The following NANOS3 variants were observed in gnomAD, a reference collection of about 807,000 sequenced individuals.
NANOS3 encodes the protein nanos homolog 3.
In NANOS3, 11 loss-of-function variants were observed where a neutral mutation model predicts 13.8. The ratio of observed to expected loss-of-function variants is 0.80; its 90% CI spans 0.50 to 1.32. NANOS3 has a LOEUF of 1.32. Ranked by LOEUF, NANOS3 falls within the 40% of genes most tolerant of loss-of-function variation. NANOS3 has a pLI of 0.00. For synonymous variants in NANOS3, 119 were observed against 115.4 expected, an observed-to-expected ratio of 1.03 and a Z score of -0.20; for missense variants, 221 against 263.8, an observed-to-expected ratio of 0.84 and a Z score of 1.12.
chr19:13,868,121 C>T (rs1360264207), intron 1 of NANOS3, among the ~76,000 whole-genome samples: 1 of 151,822 alleles, frequency 6.6e-6, no homozygotes, highest in Non-Finnish European at 1.5e-5. Flanking sequence ...TGCAGTGACA[C>T]AATCTCAGCT....
rs961040018 is a variant in NANOS3, at chr19:13,877,400, C to T, written c.152C>T (p.Ala51Val). The T allele has an allele frequency of 9.9e-6, 16 of 1,612,266 alleles. No homozygotes were observed. Among genetic ancestry groups the T allele is most frequent in the African/African-American group, 2.7e-5 (2 of 74,936 alleles). The change falls in exon 1 of 2, where the codon GCG becomes GTG. Residue 51 changes from alanine to valine, a missense_variant. Ala to Val is a moderately conservative substitution (Grantham distance 64, BLOSUM62 0). Around this residue, in one of 3 missense-constraint regions of NANOS3, gnomAD observed 112 missense variants for 116.3 expected, o/e 0.96. Coordinates refer to ENST00000339133, the MANE Select transcript of NANOS3 (RefSeq NM_001098622.3). ...EPVSALEPMPAPESVPVPGPK... is the reference protein window; with the variant it reads ...EPVSALEPMPVPESVPVPGPK... ...GTGTCAGCCCTGGAGCCGATGCCAG[C>T]GCCGGAGTCGGTGCCAGTGCCGGGA...
In NANOS3 at chr19:13,880,680, C is replaced by T. The variant is rs1399414618; in HGVS notation, c.*177C>T. 4 of 601,702 alleles carry T rather than the reference C, an allele frequency of 6.6e-6. No homozygotes were observed. Among genetic ancestry groups the T allele is most frequent in the Non-Finnish European group, 1.2e-5 (4 of 338,410 alleles). The allele number at this position is 601,702 out of a possible 1,614,324, so 37.3% of individuals were successfully genotyped here. A position where few individuals can be genotyped will look rare whatever the true frequency, so the allele number is the denominator to read the frequency against. ...TCGCCCTGTCCTTGGGGACCCCACC[C>T]TTTGTGCCATCTGCCGTTTCCCTAG... On this transcript the variant is annotated 3_prime_UTR_variant, in exon 2 of 2. Coordinates refer to ENST00000339133, the MANE Select transcript of NANOS3 (RefSeq NM_001098622.3).
intron 1 of NANOS3, among the ~76,000 whole-genome samples, chr19:13,878,567 C>T (rs1411018942): frequency 6.6e-6 from 1 of 151,070 alleles, no homozygotes; most frequent in African/African-American, 2.4e-5. Context: ...AGAAAGAAGA[C>T]TTTTATTTTA....
upstream of NANOS3, chr19:13,877,101 A>C: frequency 1.4e-6 from 1 of 710,378 alleles, no homozygotes; most frequent in Non-Finnish European, 2.4e-6. Context: ...ACCCCCTTGG[A>C]GGTAAAAGGA....
At chr19:13,862,903 C>T (rs1451003756), upstream of NANOS3, among the ~76,000 whole-genome samples, 3 of 152,226 alleles carry the variant, frequency 2.0e-5, no homozygotes, top group Non-Finnish European at 4.4e-5. Context: ...CCTCGGTTGC[C>T]CATCTGTGGA....
chr19:13,863,208 C>G (rs532147964), upstream of NANOS3, among the ~76,000 whole-genome samples: 2 of 152,138 alleles, frequency 1.3e-5, no homozygotes, highest in East Asian at 3.9e-4. Flanking sequence ...AACTCTTTCC[C>G]CAATACGCTC....
chr19:13,877,603 C>A lies in NANOS3; in HGVS notation c.355C>A (p.Arg119Ser). The A allele has an allele frequency of 6.2e-7, 1 of 1,612,018 alleles. No individual in the cohort carries two copies. Among genetic ancestry groups the A allele is most frequent in the South Asian group, 1.1e-5 (1 of 91,080 alleles). ...CGTGTGTCCCCAGTGCGGCGCCACA[C>A]GTGAGCGCGCCCACACCCGACGCTT... Reference protein sequence around the residue: ...DYVCPQCGATRERAHTRRFCP... With the variant: ...DYVCPQCGATSERAHTRRFCP... Residue 119 changes from arginine (R) to serine (S), a missense_variant, in exon 1 of 2, where the codon CGT (arginine) becomes AGT (serine). This residue lies in a region of NANOS3 where 49 missense variants were observed against 91.0 expected (regional missense o/e 0.54). Coordinates refer to ENST00000339133, the MANE Select transcript of NANOS3 (RefSeq NM_001098622.3).
At chr19:13,862,494 G>A (rs1568360264), upstream of NANOS3, among the ~76,000 whole-genome samples, 3 of 152,170 alleles carry the variant, frequency 2.0e-5, no homozygotes, top group Non-Finnish European at 4.4e-5. Context: ...AGAGACGGGG[G>A]GAAAGGCCTC....
chr19:13,867,668 C>T (rs1004838127), intron 1 of NANOS3, among the ~76,000 whole-genome samples: 4 of 151,934 alleles, frequency 2.6e-5, no homozygotes, highest in African/African-American at 9.7e-5. Flanking sequence ...CTCAAATGAT[C>T]CTCCCACATT....
chr19:13,878,616 A>G (rs1381470372), intron 1 of NANOS3, among the ~76,000 whole-genome samples: 1 of 138,634 alleles, frequency 7.2e-6, no homozygotes, highest in African/African-American at 2.7e-5. Flanking sequence ...TTTTTTTTTA[A>G]TTTTTTTTTT....
intron 1 of NANOS3, among the ~76,000 whole-genome samples, chr19:13,867,094 C>A (rs1976253357): frequency 6.6e-6 from 1 of 152,126 alleles, no homozygotes; most frequent in Non-Finnish European, 1.5e-5. Flanking sequence ...GCGCGTGCCA[C>A]CACACCAGGC....
At position 13,877,437 on chromosome 19, in the gene NANOS3, G is replaced by T; in HGVS notation, c.189G>T (p.Gln63His). ...ESVPVPGPKD[Q>H]KRSLESSPAP... is the part of the protein sequence containing the mutation. ...TGCCAGTGCCGGGACCCAAGGATCA[G>T]AAGCGCAGCCTGGAGTCCTCGCCAG... The change falls in exon 1 of 2, where the codon CAG becomes CAT. Residue 63 changes from glutamine to histidine, a missense_variant. By Grantham distance (24) the Gln-to-His change is conservative (BLOSUM62 0). Transcript: ENST00000339133. The T allele has an allele frequency of 6.2e-7, 1 of 1,612,154 alleles. No individual in the cohort carries two copies.
upstream of NANOS3, among the ~76,000 whole-genome samples, chr19:13,862,589 AG>A (rs1400177013): frequency 6.6e-6 from 1 of 150,964 alleles, no homozygotes; most frequent in Non-Finnish European, 1.5e-5. Flanking sequence ...CCCAGGCTGG[AG>A]TGCAGTGGCA....
At chr19:13,862,692 C>A (rs1173762593), upstream of NANOS3, among the ~76,000 whole-genome samples, 1 of 152,182 alleles carries the variant, frequency 6.6e-6, no homozygotes, top group Non-Finnish European at 1.5e-5. Context: ...GCGCGTGCCA[C>A]CACGCCCGGC....
upstream of NANOS3, among the ~76,000 whole-genome samples, chr19:13,872,569 C>T (rs1163098908): frequency 2.0e-5 from 3 of 152,172 alleles, no homozygotes. Context: ...ATGAATGTAG[C>T]GTTATCATCA....
chr19:13,871,489 T>G (rs1976326888), intron 1 of NANOS3, among the ~76,000 whole-genome samples: 1 of 152,166 alleles, frequency 6.6e-6, no homozygotes, highest in South Asian at 2.1e-4. Flanking sequence ...TTCCTGGCCT[T>G]CAAGACCAGA....
At chr19:13,867,825 C>G (rs1032549442) in intron 1 of NANOS3, among the ~76,000 whole-genome samples, 1 of 152,106 alleles carries the variant, frequency 6.6e-6, no homozygotes. Context: ...CTGTCACCCA[C>G]AAAGATATAT....
At chr19:13,864,916 C>T (rs1436196199), upstream of NANOS3, among the ~76,000 whole-genome samples, 1 of 152,108 alleles carries the variant, frequency 6.6e-6, no homozygotes, top group African/African-American at 2.4e-5. Context: ...GTCTCGCAGC[C>T]CCCTGCACAC....
chr19:13,873,225 AG>A (rs1358850147), upstream of NANOS3, among the ~76,000 whole-genome samples: 2 of 92,940 alleles, frequency 2.2e-5, no homozygotes, highest in Non-Finnish European at 4.1e-5. Context: ...TCTAAGGGGC[AG>A]GGCCTGGGCT....
Sources: gnomAD v4.1 joint callset for allele counts (sites outside exome capture counted in the v4.1 genomes callset) on GRCh38, gnomAD v4.1.1 for gene constraint, gnomAD v4.1.1 regional missense constraint, MANE v1.5 for transcripts, NCBI Gene and HGNC (gene_info 2026-07-23, HGNC 2026-07-21) for gene names.